Variants in THSD4 observed in about 807,000 individuals in gnomAD.
THSD4 encodes the protein thrombospondin type-1 domain-containing protein 4.
In THSD4, 69 loss-of-function variants were observed where a neutral mutation model predicts 119.0. The ratio of observed to expected loss-of-function variants is 0.58; its 90% CI spans 0.48 to 0.71. THSD4 has a LOEUF of 0.71. Among genes scored for constraint, THSD4 ranks in the 30% least tolerant of loss-of-function variants. The pLI is 0.00. For synonymous variants in THSD4, 524 were observed against 540.4 expected (o/e 0.97, Z 0.42); for missense variants, 1,393 against 1,391.1 (o/e 1.00, Z -0.02).
Position 71,737,742 on chromosome 15 carries a change from C to T in THSD4, c.1641C>T (p.Phe547=), listed in dbSNP as rs2053143148. ...VPPHRRPGEP[F]NGQMVTEGRS... is the part of the protein sequence containing the mutation. ...GCTCACCTCTCCTAGGGGAACCCTT[C>T]AATGGCCAGATGGTGACAGAAGGCA... Residue 547 remains phenylalanine, a synonymous_variant, in exon 11 of 18, where the codon TTC becomes TTT. Coordinates refer to ENST00000261862, the MANE Select transcript of THSD4 (RefSeq NM_024817.3). The T allele has an allele frequency of 3.1e-6, 5 of 1,609,620 alleles. No individual in the cohort carries two copies. Among genetic ancestry groups the T allele is most frequent in the African/African-American group, 1.3e-5 (1 of 74,876 alleles).
At position 71,661,397 on chromosome 15, in the gene THSD4, AT is replaced by A. The variant is rs1340411907; in HGVS notation, c.1357+666del. The stretch of plus-strand genomic sequence containing the variant: ...AGCCAATCGAACACATTATTTATTT[AT>A]TTATTTTTTTTTTTTGAGACAGAAT... On this transcript the variant is annotated intron_variant, in intron 8 of 17. Coordinates refer to ENST00000261862, the MANE Select transcript of THSD4 (RefSeq NM_024817.3). 1.1e-3 allele frequency among the ~76,000 whole-genome samples: 118 copies of A among 112,310 alleles called. No homozygotes were observed. The East Asian group carries it at 0.013, about 13-fold the overall frequency. The allele number at this position is 112,310 out of a possible 152,430, so 73.7% of individuals were successfully genotyped here.
At chr15:71,188,314 G>A (rs79429662) in intron 3 of THSD4, among the ~76,000 whole-genome samples, 210 of 152,228 alleles carry the variant, frequency 1.4e-3, no homozygotes, top group African/African-American at 4.9e-3. Flanking sequence ...TGTGGGAGCC[G>A]TGAGAGTTAA....
intron 7 of THSD4, among the ~76,000 whole-genome samples, chr15:71,447,321 A>G (rs537891631): frequency 6.0e-4 from 91 of 151,992 alleles, no homozygotes; most frequent in South Asian, 3.3e-3. Context: ...GGGTTTCACC[A>G]TGTTGGACAG....
chr15:71,123,123 A>G (rs1341811892), intron 1 of THSD4, among the ~76,000 whole-genome samples: 1 of 152,190 alleles, frequency 6.6e-6, no homozygotes, highest in Non-Finnish European at 1.5e-5. Context: ...TCGAGTGGTG[A>G]CTTTCTGAGT....
intron 4 of THSD4, among the ~76,000 whole-genome samples, chr15:71,217,045 C>A (rs1209520856): frequency 6.6e-6 from 1 of 152,188 alleles, no homozygotes; most frequent in Non-Finnish European, 1.5e-5. Flanking sequence ...GATCTGCCCA[C>A]CTCGGTCTCC....
intron 8 of THSD4, among the ~76,000 whole-genome samples, chr15:71,710,030 G>A (rs1330139557): frequency 6.6e-6 from 1 of 152,192 alleles, no homozygotes; most frequent in Admixed American, 6.5e-5. Flanking sequence ...ATGTCACTTG[G>A]TGATGATGAA....
At chr15:71,341,588 C>A in intron 6 of THSD4, 1 of 1,598,510 alleles carries the variant, frequency 6.3e-7, no homozygotes, top group Non-Finnish European at 8.6e-7. Flanking sequence ...CGTGGCTTTT[C>A]GTATATGCAT....
At chr15:71,499,536 A>G (rs2048079911) in intron 7 of THSD4, among the ~76,000 whole-genome samples, 1 of 151,220 alleles carries the variant, frequency 6.6e-6, no homozygotes, top group African/African-American at 2.4e-5. Flanking sequence ...CATCTTAACA[A>G]TTTTTAAGTG....
chr15:71,666,209 A>C (rs1386826063), intron 8 of THSD4, among the ~76,000 whole-genome samples: 1 of 151,878 alleles, frequency 6.6e-6, no homozygotes, highest in Non-Finnish European at 1.5e-5. Flanking sequence ...AATTTCAGAG[A>C]TCTTTCACCT....
chr15:71,761,809 A>G (rs2141202489), intron 15 of THSD4, among the ~76,000 whole-genome samples: 1 of 152,346 alleles, frequency 6.6e-6, no homozygotes, highest in Non-Finnish European at 1.5e-5. Flanking sequence ...GAATACCTGA[A>G]AATGACTTCA....
chr15:71,149,039 CTT>C (rs1269365382), intron 2 of THSD4, among the ~76,000 whole-genome samples: 17 of 138,934 alleles, frequency 1.2e-4, no homozygotes, highest in Admixed American at 1.4e-4. Context: ...GCTGCCTTTA[CTT>C]TTTTTTTTTT....
intron 4 of THSD4, among the ~76,000 whole-genome samples, chr15:71,219,963 G>C (rs953949318): frequency 6.6e-6 from 1 of 152,178 alleles, no homozygotes; most frequent in Non-Finnish European, 1.5e-5. Flanking sequence ...TGTCTGAGCT[G>C]TGTCTTGACA....
chr15:71,365,652 G>C (rs577821618), intron 6 of THSD4, among the ~76,000 whole-genome samples: 1 of 152,168 alleles, frequency 6.6e-6, no homozygotes. Context: ...AGTGGGTTCT[G>C]TTTGGATTGG....
At chr15:71,670,061 A>G (rs2051492084) in intron 8 of THSD4, among the ~76,000 whole-genome samples, 2 of 152,146 alleles carry the variant, frequency 1.3e-5, no homozygotes, top group South Asian at 4.1e-4. Context: ...AGCCTCCAGG[A>G]TTATGCCACT....
intron 6 of THSD4, among the ~76,000 whole-genome samples, chr15:71,350,627 TTA>T (rs1246766512): frequency 2.0e-5 from 3 of 152,196 alleles, no homozygotes; most frequent in African/African-American, 7.2e-5. Context: ...ACTCTGAAGT[TTA>T]GTTTCCTTAA....
At chr15:71,169,855 T>C (rs191068372) in intron 3 of THSD4, among the ~76,000 whole-genome samples, 1 of 152,278 alleles carries the variant, frequency 6.6e-6, no homozygotes, top group East Asian at 1.9e-4. Context: ...GTTAGACATC[T>C]TGAGTTAAGG....
chr15:71,460,312 T>G (rs991879571), intron 7 of THSD4, among the ~76,000 whole-genome samples: 27 of 150,288 alleles, frequency 1.8e-4, no homozygotes, highest in Admixed American at 4.6e-4. Flanking sequence ...CTGGTTTTTT[T>G]TTTTTTTTTT....
intron 3 of THSD4, chr15:71,185,421 C>A (rs1378351027): frequency 1.3e-5 from 2 of 151,654 alleles, no homozygotes; most frequent in Non-Finnish European, 2.9e-5. Flanking sequence ...TCTCTTTGGC[C>A]TACCTTGTTT....
intron 7 of THSD4, among the ~76,000 whole-genome samples, chr15:71,596,099 C>T (rs1328244136): frequency 6.6e-6 from 1 of 152,122 alleles, no homozygotes; most frequent in African/African-American, 2.4e-5. Flanking sequence ...TTGAGGTATT[C>T]CTTGTTTGTG....
Sources: allele counts gnomAD v4.1 joint callset (sites outside exome capture counted in the v4.1 genomes callset), GRCh38; gene constraint gnomAD v4.1.1; transcripts MANE v1.5; gene names NCBI Gene and HGNC (gene_info 2026-07-23, HGNC 2026-07-21).